CCNJL: variants seen among roughly 807,000 people sequenced by gnomAD.
CCNJL encodes the protein cyclin-J-like protein.
A neutral mutation model predicts 33.4 loss-of-function variants in CCNJL; 33 were observed. The ratio of observed to expected loss-of-function variants is 0.99; its 90% CI spans 0.75 to 1.32. CCNJL has a LOEUF of 1.32. Among genes scored for constraint, CCNJL ranks in the 40% most tolerant of loss-of-function variants. CCNJL has a pLI of 0.00. For missense variants in CCNJL, 512 were observed against 499.7 expected (o/e 1.02, Z -0.23); for synonymous variants, 227 against 220.9 (o/e 1.03, Z -0.24).
intron 1 of CCNJL, among the ~76,000 whole-genome samples, chr5:160,320,826 T>TTTCTTTCTTTCTTTCC (rs1561812441): frequency 5.7e-4 from 65 of 115,000 alleles, no homozygotes; most frequent in African/African-American, 1.6e-3. Context: ...TCTTTCTTTC[T>TTTCTTTCTTTCTTTCC]TTCTTTCTTT....
intron 3 of CCNJL, among the ~76,000 whole-genome samples, chr5:160,276,041 A>C (rs775543460): frequency 3.9e-5 from 6 of 152,206 alleles, no homozygotes; most frequent in Non-Finnish European, 5.9e-5. Context: ...CTAAACATCC[A>C]TCAACAGATG....
chr5:160,315,465 C>A (rs542132650), upstream of CCNJL: 25 of 446,160 alleles, frequency 5.6e-5, no homozygotes, highest in African/African-American at 5.0e-4. Context: ...CGTGATTGTG[C>A]CACTGCACTC....
At chr5:160,278,532 T>C (rs959727305) in intron 3 of CCNJL, among the ~76,000 whole-genome samples, 5 of 152,294 alleles carry the variant, frequency 3.3e-5, no homozygotes, top group African/African-American at 9.6e-5. Context: ...CTGCAGCATA[T>C]GGCAGGTGTC....
intron 2 of CCNJL, among the ~76,000 whole-genome samples, chr5:160,304,560 C>T (rs1380542366): frequency 6.6e-6 from 1 of 152,182 alleles, no homozygotes; most frequent in East Asian, 1.9e-4. Flanking sequence ...GAGGAAAGAG[C>T]TTGTCAAAGC....
At chr5:160,293,031 T>C (rs1762636249) in intron 2 of CCNJL, among the ~76,000 whole-genome samples, 1 of 152,248 alleles carries the variant, frequency 6.6e-6, no homozygotes, top group Non-Finnish European at 1.5e-5. Flanking sequence ...ACCTGGGTCT[T>C]CTGACTCTAC....
chr5:160,336,945 C>T (rs1301058329), intron 1 of CCNJL, among the ~76,000 whole-genome samples: 1 of 151,672 alleles, frequency 6.6e-6, no homozygotes, highest in Non-Finnish European at 1.5e-5. Flanking sequence ...CCCATCATCC[C>T]TTGCTGGGAT....
chr5:160,331,446 C>T (rs1318113186), intron 1 of CCNJL, among the ~76,000 whole-genome samples: 1 of 151,648 alleles, frequency 6.6e-6, no homozygotes, highest in African/African-American at 2.4e-5. Context: ...GGATGGTCTT[C>T]ATCTCCTGAC....
chr5:160,270,262 G>A (rs1309225761), intron 3 of CCNJL, among the ~76,000 whole-genome samples: 2 of 152,168 alleles, frequency 1.3e-5, no homozygotes, highest in African/African-American at 2.4e-5. Flanking sequence ...TGACCAATAT[G>A]GTGAAACCCT....
At position 160,320,841 on chromosome 5, in the gene CCNJL, CTTT is replaced by C. The variant is rs1561812510; in HGVS notation, n.207-5339_207-5337del. ...TCTTTCTTTCTTTCTTTCTTTCTTT[CTTT>C]CTTTCCTTCTTTCTTTCTTTCTTTC... is the stretch of plus-strand genomic sequence containing the variant. On this transcript the variant is annotated intron_variant and non_coding_transcript_variant, in intron 1 of 7. Coordinates refer to the CCNJL transcript ENST00000377503. 4.3e-3 allele frequency among the ~76,000 whole-genome samples: 432 copies of C among 99,780 alleles called. 1 individual carries two copies. Among genetic ancestry groups the C allele is most frequent in the Non-Finnish European group, 5.1e-3 (226 of 44,206 alleles). The allele number at this position is 99,780 out of a possible 152,430, so 65.5% of individuals were successfully genotyped here. A position where few individuals can be genotyped will look rare whatever the true frequency, so the allele number is the denominator to read the frequency against.
At chr5:160,293,417 A>AATG (rs1762649236) in intron 2 of CCNJL, among the ~76,000 whole-genome samples, 2 of 152,296 alleles carry the variant, frequency 1.3e-5, no homozygotes, top group African/African-American at 4.8e-5. Context: ...CATCTCAGAA[A>AATG]ATGATAATAA....
At chr5:160,329,225 C>T (rs1167801262) in intron 1 of CCNJL, among the ~76,000 whole-genome samples, 1 of 152,150 alleles carries the variant, frequency 6.6e-6, no homozygotes, top group East Asian at 1.9e-4. Context: ...AATGGAGTCC[C>T]TCATGCTAGG....
intron 1 of CCNJL, among the ~76,000 whole-genome samples, chr5:160,318,253 G>T (rs1455343665): frequency 6.6e-6 from 1 of 152,138 alleles, no homozygotes; most frequent in Non-Finnish European, 1.5e-5. Context: ...CTGACCTCAG[G>T]TGATCTACCC....
intron 2 of CCNJL, among the ~76,000 whole-genome samples, chr5:160,301,122 C>T (rs905555554): frequency 3.9e-5 from 6 of 152,126 alleles, no homozygotes; most frequent in South Asian, 4.2e-4. Flanking sequence ...AAATGGTGCA[C>T]GAGAAGCAAC....
At chr5:160,299,965 T>C (rs1043017628) in intron 2 of CCNJL, among the ~76,000 whole-genome samples, 6 of 152,102 alleles carry the variant, frequency 3.9e-5, no homozygotes, top group Non-Finnish European at 8.8e-5. Context: ...TTCCTTCTGA[T>C]GCCATTGAAG....
chr5:160,284,454 T>C (rs924124701), intron 2 of CCNJL, among the ~76,000 whole-genome samples: 49 of 152,230 alleles, frequency 3.2e-4, no homozygotes, highest in African/African-American at 1.1e-3. Flanking sequence ...TCACCCACAG[T>C]CATGGAGTCC....
At chr5:160,331,375 C>G (rs1334752291) in intron 1 of CCNJL, among the ~76,000 whole-genome samples, 1 of 152,042 alleles carries the variant, frequency 6.6e-6, no homozygotes, top group Non-Finnish European at 1.5e-5. Context: ...AGGTGCCCAC[C>G]ACCACGCCCG....
chr5:160,308,175 C>T (rs181063599), intron 2 of CCNJL, among the ~76,000 whole-genome samples: 18 of 152,354 alleles, frequency 1.2e-4, no homozygotes, highest in Admixed American at 3.3e-4. Context: ...CGGGCCATCA[C>T]TGTCTTGCAG....
At chr5:160,263,541 T>A (rs980004359) in intron 3 of CCNJL, among the ~76,000 whole-genome samples, 1 of 152,230 alleles carries the variant, frequency 6.6e-6, no homozygotes, top group African/African-American at 2.4e-5. Flanking sequence ...CCTGATTGTT[T>A]CCTCACAATT....
chr5:160,252,717 T>G lies in CCNJL; in HGVS notation c.*661A>C, dbSNP rs772174019. ...GAATTTTCAAGTATCACCAAATCCC[T>G]GATACAGTGTGTAAACAAGACATCT... On this transcript the variant is annotated 3_prime_UTR_variant, in exon 6 of 6. Transcript: ENST00000257536. The G allele has an allele frequency of 3.9e-5, 6 of 152,682 alleles. No individual in the cohort carries two copies. Among genetic ancestry groups the G allele is most frequent in the Admixed American group, 2.0e-4 (3 of 15,284 alleles). The allele number at this position is 152,682 out of a possible 1,614,324, so 9.5% of individuals were successfully genotyped here.
Sources: allele counts gnomAD v4.1 joint callset (sites outside exome capture counted in the v4.1 genomes callset), GRCh38; gene constraint gnomAD v4.1.1; transcripts MANE v1.5; gene names NCBI Gene and HGNC (gene_info 2026-07-23, HGNC 2026-07-21).